Variants in PHLPP1 observed in about 807,000 individuals in gnomAD.
The protein encoded by PHLPP1 is PH domain and leucine rich repeat protein phosphatase 1, also known as PH domain leucine-rich repeat-containing protein phosphatase 1.
A neutral mutation model predicts 117.2 loss-of-function variants in PHLPP1; 42 were observed. That is an observed-to-expected ratio of 0.36 (90% confidence interval 0.28 to 0.46). The LOEUF (loss-of-function observed/expected upper bound fraction) is 0.46. PHLPP1 is among the 20% of genes least tolerant of loss of function. The pLI, the probability that PHLPP1 is intolerant of heterozygous loss-of-function variation, is 1.00. For synonymous variants in PHLPP1, 1,042 were observed against 970.7 expected, an observed-to-expected ratio of 1.07 and a Z score of -1.37; for missense variants, 2,084 against 2,241.9, an observed-to-expected ratio of 0.93 and a Z score of 1.42.
chr18:62,785,653 G>T (rs1259676365), intron 1 of PHLPP1, among the ~76,000 whole-genome samples: 1 of 152,184 alleles, frequency 6.6e-6, no homozygotes, highest in African/African-American at 2.4e-5. Flanking sequence ...AATGCCAAAG[G>T]CTTTCTCCGC....
intron 11 of PHLPP1, 108 bp downstream of exon 11, chr18:62,942,026 C>T (rs1910145673): frequency 1.2e-6 from 1 of 815,226 alleles, no homozygotes; most frequent in South Asian, 1.8e-5. Flanking sequence ...AGTTTGTTTG[C>T]TTGTTCCTGC....
chr18:62,979,105 G>A lies in PHLPP1; in HGVS notation c.4828G>A (p.Ala1610Thr), dbSNP rs765125411. The change falls in exon 17 of 17, where the codon GCA becomes ACA. Residue 1610 changes from alanine (A) to threonine (T), a missense_variant. Ala to Thr is a moderately conservative substitution (Grantham distance 58). Coordinates refer to ENST00000262719, the MANE Select transcript of PHLPP1 (RefSeq NM_194449.4). ...GGATGAGCCAGGTCTGCCCAGGAAG[G>A]CAGACTTCTCTGCCGTTGGGACCAT... ...NEDEPGLPRK[A>T]DFSAVGTIGR... 6.2e-7 allele frequency: 1 copy of A among 1,613,956 alleles called. No individual in the cohort carries two copies.
intron 10 of PHLPP1, 110 bp from the exon 11 acceptor site, chr18:62,941,608 A>G (rs1910131065): frequency 1.4e-6 from 1 of 732,604 alleles, no homozygotes; most frequent in Non-Finnish European, 2.3e-6. Flanking sequence ...TTGTCTTTTC[A>G]ATTCATGTTT....
intron 1 of PHLPP1, among the ~76,000 whole-genome samples, chr18:62,720,214 A>G (rs1910874596): frequency 6.6e-6 from 1 of 152,200 alleles, no homozygotes; most frequent in Admixed American, 6.5e-5. Flanking sequence ...GACATAAGTT[A>G]TGGACTCCTA....
intron 1 of PHLPP1, among the ~76,000 whole-genome samples, chr18:62,828,394 A>G (rs1384974077): frequency 1.3e-5 from 2 of 152,174 alleles, no homozygotes. Flanking sequence ...GAAAACTAAC[A>G]TGTGGTAGAC....
intron 1 of PHLPP1, among the ~76,000 whole-genome samples, chr18:62,789,104 A>G (rs1913384197): frequency 6.6e-6 from 1 of 152,220 alleles, no homozygotes. Flanking sequence ...CCAGGCAGGG[A>G]GAACCACACT....
chr18:62,724,124 G>A (rs186923096), intron 1 of PHLPP1, among the ~76,000 whole-genome samples: 279 of 152,214 alleles, frequency 1.8e-3, no homozygotes, highest in African/African-American at 6.6e-3. Context: ...GACAAGAATC[G>A]ATGTTTGATT....
At chr18:62,815,918 G>A (rs1211288385) in intron 1 of PHLPP1, among the ~76,000 whole-genome samples, 1 of 152,120 alleles carries the variant, frequency 6.6e-6, no homozygotes, top group African/African-American at 2.4e-5. Context: ...TGACATACCT[G>A]TAGTCTAAAA....
intron 1 of PHLPP1, among the ~76,000 whole-genome samples, chr18:62,824,875 T>C (rs1914567083): frequency 6.6e-6 from 1 of 151,966 alleles, no homozygotes; most frequent in South Asian, 2.1e-4. Flanking sequence ...TTACTTATAA[T>C]GGACCACCCC....
intron 1 of PHLPP1, among the ~76,000 whole-genome samples, chr18:62,765,141 T>G (rs1363475511): frequency 6.6e-6 from 1 of 152,228 alleles, no homozygotes; most frequent in Non-Finnish European, 1.5e-5. Flanking sequence ...CAGAATTCTG[T>G]CTCCTCCTTT....
intron 3 of PHLPP1, among the ~76,000 whole-genome samples, chr18:62,859,261 T>A (rs1490254092): frequency 6.6e-6 from 1 of 152,208 alleles, no homozygotes; most frequent in Non-Finnish European, 1.5e-5. Flanking sequence ...GCTGAAGCCA[T>A]GTGCTTTAGC....
chr18:62,886,034 A>T (rs1916279749), intron 4 of PHLPP1, among the ~76,000 whole-genome samples: 1 of 152,226 alleles, frequency 6.6e-6, no homozygotes, highest in South Asian at 2.1e-4. Context: ...AGGAAGGAAA[A>T]GGTAGGAACA....
intron 2 of PHLPP1, among the ~76,000 whole-genome samples, chr18:62,833,410 A>G (rs1914806298): frequency 6.6e-6 from 1 of 152,210 alleles, no homozygotes; most frequent in South Asian, 2.1e-4. Flanking sequence ...TTGTTAAATT[A>G]TGAAGTATAA....
intron 1 of PHLPP1, among the ~76,000 whole-genome samples, chr18:62,818,880 C>T (rs1871310510): frequency 6.6e-6 from 1 of 152,206 alleles, no homozygotes; most frequent in South Asian, 2.1e-4. Context: ...AATTTCCATG[C>T]TGTAAATACA....
rs1247528796 is a variant in PHLPP1, at chr18:62,837,818, T to C, written c.1774-966T>C. The C allele has an allele frequency of 4.6e-5, 7 of 151,706 alleles. No individual in the cohort carries two copies. The East Asian group carries it at 7.7e-4, about 17-fold the overall frequency. 9.4% of individuals were successfully genotyped at this position (151,706 alleles called of 1,614,324 possible). On this transcript the variant is annotated intron_variant, in intron 2 of 16. Transcript: ENST00000262719. ...TGGGACTACAGGCACCCACCACCGCTCCTAGCTGTAAGGTTTTTTTTGTAT... is the reference window on the plus strand; with the variant it reads ...TGGGACTACAGGCACCCACCACCGCCCCTAGCTGTAAGGTTTTTTTTGTAT...
At position 62,830,171 on chromosome 18, in the gene PHLPP1, A is replaced by G; in HGVS notation, c.1713A>G (p.Val571=). The stretch of plus-strand genomic sequence containing the variant: ...TCCTATGTGGGACCTGCCTGATAGT[A>G]TCATCTGTGAAAGACAGCTTGACCG... ...QVILCGTCLI[V]SSVKDSLTGK... is the part of the protein sequence containing the mutation. The change falls in exon 2 of 17, where the codon GTA becomes GTG. Residue 571 remains valine (V), a synonymous_variant. Transcript: ENST00000262719. The G allele has an allele frequency of 6.3e-7, 1 of 1,593,126 alleles. No individual in the cohort carries two copies. Among genetic ancestry groups the G allele is most frequent in the Admixed American group, 1.8e-5 (1 of 56,036 alleles).
chr18:62,967,557 G>C (rs1334379750), intron 14 of PHLPP1, among the ~76,000 whole-genome samples: 3 of 151,742 alleles, frequency 2.0e-5, no homozygotes, highest in Non-Finnish European at 1.5e-5. Context: ...CAAATGTGAT[G>C]TTAGCTCTCG....
intron 6 of PHLPP1, among the ~76,000 whole-genome samples, chr18:62,900,569 G>A (rs1328021896): frequency 6.7e-6 from 1 of 149,186 alleles, no homozygotes; most frequent in South Asian, 2.1e-4. Context: ...GGGTTCGAGT[G>A]ATCTTCCTGC....
At chr18:62,805,880 T>C (rs2144306032) in intron 1 of PHLPP1, among the ~76,000 whole-genome samples, 1 of 152,076 alleles carries the variant, frequency 6.6e-6, no homozygotes, top group South Asian at 2.1e-4. Context: ...ATTGCCAGTG[T>C]TGCTTTTTTT....
Sources: gnomAD v4.1 joint callset for allele counts (sites outside exome capture counted in the v4.1 genomes callset) on GRCh38, gnomAD v4.1.1 for gene constraint, MANE v1.5 for transcripts, NCBI Gene and HGNC (gene_info 2026-07-23, HGNC 2026-07-21) for gene names.